Variants in EPS8L1 observed in about 807,000 individuals in gnomAD.
The protein encoded by EPS8L1 is EPS8 signaling adaptor L1, also known as epidermal growth factor receptor kinase substrate 8-like protein 1.
A neutral mutation model predicts 91.7 loss-of-function variants in EPS8L1; 101 were observed. The observed-to-expected ratio is 1.10, with a 90% CI of 0.94 to 1.30. EPS8L1 has a LOEUF of 1.30. Among genes scored for constraint, EPS8L1 ranks in the 50% most tolerant of loss-of-function variants. The pLI, the probability that EPS8L1 is intolerant of heterozygous loss-of-function variation, is 0.00. For missense variants in EPS8L1, 1,114 were observed against 1,017.0 expected, an observed-to-expected ratio of 1.10 and a Z score of -1.30; for synonymous variants, 506 against 445.3, an observed-to-expected ratio of 1.14 and a Z score of -1.72.
At chr19:55,079,329 G>C (rs1210479847) in intron 4 of EPS8L1, among the ~76,000 whole-genome samples, 1 of 152,306 alleles carries the variant, frequency 6.6e-6, no homozygotes, top group East Asian at 1.9e-4. Flanking sequence ...CCCTGCATGA[G>C]GAAGGGGTAG....
chr19:55,087,194 G>A (rs1309111741), intron 18 of EPS8L1, 109 bp from the exon 19 acceptor site: 1 of 1,450,082 alleles, frequency 6.9e-7, no homozygotes, highest in Non-Finnish European at 9.1e-7. Flanking sequence ...GCCCCCGCTA[G>A]AGCTAGAATG....
rs2076116514 is a variant in EPS8L1 at position 55,076,034 on chromosome 19, A to AGGGAGGAGGGGCTGAGGGCCTGG, written c.-38+115_-38+116insGGGAGGAGGGGCTGAGGGCCTGG. The AGGGAGGAGGGGCTGAGGGCCTGG allele has an allele frequency of 6.5e-5, 7 of 107,226 alleles. No individual in the cohort carries two copies. In the South Asian group the frequency reaches 1.5e-3, roughly 23 times the overall value. 6.6% of individuals were successfully genotyped at this position (107,226 alleles called of 1,614,324 possible). On this transcript the variant is annotated intron_variant, in intron 1 of 19. Coordinates refer to ENST00000201647, the MANE Select transcript of EPS8L1 (RefSeq NM_133180.3). ...TCAGGGAGGACGGGCTGGGGGTCTGAACTCCCGGGTCTGAGGGAGGAGGGC... is the reference window on the plus strand; with the variant it reads ...TCAGGGAGGACGGGCTGGGGGTCTGAGGGAGGAGGGGCTGAGGGCCTGGACTCCCGGGTCTGAGGGAGGAGGGC...
chr19:55,080,155 C>T lies in EPS8L1; in HGVS notation c.306C>T (p.Gly102=). The T allele has an allele frequency of 1.3e-6, 2 of 1,517,592 alleles. No homozygotes were observed. Among genetic ancestry groups the T allele is most frequent in the Admixed American group, 2.1e-5 (1 of 47,808 alleles). The allele number at this position is 1,517,592 out of a possible 1,614,324, so 94.0% of individuals were successfully genotyped here. A position where few individuals can be genotyped will look rare whatever the true frequency, so the allele number is the denominator to read the frequency against. ...AGGAGCTGGAGTCGTACCCACTGGG[C>T]GCCATCGTGCGCTGTGACGCGGTGA... ...SKEELESYPL[G]AIVRCDAVMP... The change falls in exon 6 of 20, where the codon GGC becomes GGT. Residue 102 remains glycine, a synonymous_variant. Coordinates refer to ENST00000201647, the MANE Select transcript of EPS8L1 (RefSeq NM_133180.3).
rs751024049 is a variant in EPS8L1, at chr19:55,086,820, G to A, written c.1884G>A (p.Pro628=). 1.3e-6 allele frequency: 2 copies of A among 1,575,816 alleles called. No individual in the cohort carries two copies. The highest frequency in any genetic ancestry group is 1.1e-5 in the South Asian group (1 of 87,496). ...RAVPGPRAPE[P]QLSPGSDASE... is the part of the protein sequence containing the mutation. ...TCCCAGGGCCCCGCGCCCCGGAACCGCAGCTCAGCCCGGGCTCGGACGCCT... is the reference window on the plus strand; with the variant it reads ...TCCCAGGGCCCCGCGCCCCGGAACCACAGCTCAGCCCGGGCTCGGACGCCT... Residue 628 remains proline, a synonymous_variant, in exon 18 of 20, where the codon CCG becomes CCA. Transcript: ENST00000201647.
intron 2 of EPS8L1, among the ~76,000 whole-genome samples, chr19:55,077,158 A>C (rs976874452): frequency 1.3e-5 from 2 of 152,186 alleles, no homozygotes; most frequent in African/African-American, 4.8e-5. Context: ...TAGGAAAGGT[A>C]ATCTTAGGAA....
intron 18 of EPS8L1, 48 bp from the exon 19 acceptor site, chr19:55,087,254 TG>T: frequency 6.5e-7 from 1 of 1,550,260 alleles, no homozygotes. Context: ...TTGTCCGGGC[TG>T]GGGCATCCGC....
Position 55,080,141 on chromosome 19 carries a change from T to G in EPS8L1, c.292T>G (p.Ser98Ala). The G allele has an allele frequency of 6.6e-7, 1 of 1,504,084 alleles. No homozygotes were observed. The highest frequency in any genetic ancestry group is 8.9e-7 in the Non-Finnish European group (1 of 1,119,800). 93.2% of individuals were successfully genotyped at this position (1,504,084 alleles called of 1,614,324 possible). Residue 98 changes from serine to alanine, a missense_variant, in exon 6 of 20, where the codon TCG becomes GCG. Coordinates refer to ENST00000201647, the MANE Select transcript of EPS8L1 (RefSeq NM_133180.3). ...TCCCACCCGGCAGGAGGAGCTGGAGTCGTACCCACTGGGCGCCATCGTGCG... is the reference window on the plus strand; with the variant it reads ...TCCCACCCGGCAGGAGGAGCTGGAGGCGTACCCACTGGGCGCCATCGTGCG... ...LDPASKEELESYPLGAIVRCD... is the reference protein window; with the variant it reads ...LDPASKEELEAYPLGAIVRCD...
chr19:55,080,006 G>A (rs1304651648), intron 5 of EPS8L1, 123 bp from the exon 6 acceptor site: 14 of 1,436,324 alleles, frequency 9.7e-6, no homozygotes, highest in East Asian at 2.5e-5. Context: ...TATTAAACAG[G>A]GCTGTTATCC....
intron 17 of EPS8L1, 72 bp from the exon 18 acceptor site, chr19:55,086,642 C>CCCCCCCCCCCCCTT: frequency 1.4e-6 from 2 of 1,410,052 alleles, no homozygotes. Flanking sequence ...AGCGCCCCCC[C>CCCCCCCCCCCCCTT]GCCCCGCCCT....
In EPS8L1 at chr19:55,083,389, C is replaced by T. The variant is rs1422538027; in HGVS notation, c.1226C>T (p.Ser409Phe). 6.2e-7 allele frequency: 1 copy of T among 1,612,948 alleles called. No homozygotes were observed. Among genetic ancestry groups the T allele is most frequent in the Non-Finnish European group, 8.5e-7 (1 of 1,179,908 alleles). ...DSWTRPGLEL[S>F]PEEGPPYRPE... ...GTCCCTGGCCGCAGGCTGGAGCTGT[C>T]CCCGGAGGAGGGACCCCCATACAGA... Residue 409 changes from serine to phenylalanine, a missense_variant, in exon 13 of 20, where the codon TCC (serine) becomes TTC (phenylalanine). Transcript: ENST00000201647. This position sits in a 1 kb window ranked among gnomAD's most constrained non-coding sequence, Gnocchi z 4.7.
chr19:55,086,001 G>C (rs2290476), intron 15 of EPS8L1, 28 bp downstream of exon 15: 670,980 of 1,604,394 alleles, frequency 0.42, 141,482 homozygotes, highest in East Asian at 0.52. Context: ...CTGAGGGGCA[G>C]GAATTAGCCA....
Position 55,080,496 on chromosome 19 carries a change from G to C in EPS8L1, c.429+218G>C, listed in dbSNP as rs1568782154. On this transcript the variant is annotated intron_variant, in intron 6 of 19. Coordinates refer to ENST00000201647, the MANE Select transcript of EPS8L1 (RefSeq NM_133180.3). ...GAACATGAAGGTGGGATGAGGACAT[G>C]AACAGAACATGGCCAAGAAGGATCT... The C allele has an allele frequency of 2.5e-6, 4 of 1,613,782 alleles. No homozygotes were observed. In the South Asian group the frequency reaches 3.3e-5, roughly 13 times the overall value.
intron 7 of EPS8L1, 22 bp downstream of exon 7, chr19:55,080,876 G>A (rs1452546248): frequency 1.9e-6 from 3 of 1,586,124 alleles, no homozygotes; most frequent in East Asian, 2.3e-5. Context: ...GAAGTTGGCA[G>A]GGTCTCTGGG....
At position 55,081,012 on chromosome 19, in the gene EPS8L1, C is replaced by T; in HGVS notation, c.512+158C>T. Reference sequence around the variant, plus strand: ...TACCTCCCAGACGAGCTGACCCCTTCTCCAGAACTCTGCTTCTTTTCTCTG... The same window carrying T: ...TACCTCCCAGACGAGCTGACCCCTTTTCCAGAACTCTGCTTCTTTTCTCTG... On this transcript the variant is annotated intron_variant, in intron 7 of 19. Coordinates refer to ENST00000201647, the MANE Select transcript of EPS8L1 (RefSeq NM_133180.3). This position sits in a 1 kb window ranked among gnomAD's most constrained non-coding sequence, Gnocchi z 4.9. The T allele has an allele frequency of 1.1e-6, 1 of 897,010 alleles. No individual in the cohort carries two copies. The highest frequency in any genetic ancestry group is 1.7e-6 in the Non-Finnish European group (1 of 605,240). The allele number at this position is 897,010 out of a possible 1,614,324, so 55.6% of individuals were successfully genotyped here.
Position 55,085,990 on chromosome 19 carries a change from G to T in EPS8L1, c.1518+17G>T. On this transcript the variant is annotated intron_variant, in intron 15 of 19. Coordinates refer to ENST00000201647, the MANE Select transcript of EPS8L1 (RefSeq NM_133180.3). ...GTACTGGAGGTTAGAGGAGCGGGAG[G>T]CTGAGGGGCAGGAATTAGCCAGCCC... 2 of 1,608,718 alleles carry T rather than the reference G, an allele frequency of 1.2e-6. No individual in the cohort carries two copies. Among genetic ancestry groups the T allele is most frequent in the Non-Finnish European group, 1.7e-6 (2 of 1,175,564 alleles).
At position 55,085,846 on chromosome 19, in the gene EPS8L1, G is replaced by A. The variant is rs1422867495; in HGVS notation, c.1391G>A (p.Arg464Gln). ...SAPQVAVNGH[R>Q]DLEPESEPQL... ...ACCCTCCCGCTTCTCCTCAGTCACCGAGACTTGGAGCCAGAATCTGAGCCT... is the reference window on the plus strand; with the variant it reads ...ACCCTCCCGCTTCTCCTCAGTCACCAAGACTTGGAGCCAGAATCTGAGCCT... Residue 464 changes from arginine to glutamine, a missense_variant, in exon 15 of 20, where the codon CGA (arginine) becomes CAA (glutamine). Transcript: ENST00000201647. The A allele has an allele frequency of 2.5e-6, 4 of 1,612,464 alleles. No individual in the cohort carries two copies. Among genetic ancestry groups the A allele is most frequent in the East Asian group, 4.5e-5 (2 of 44,828 alleles).
In EPS8L1 at chr19:55,083,758, T is replaced by G; in HGVS notation, c.1385+114T>G. 1 of 1,386,102 alleles carries G rather than the reference T, an allele frequency of 7.2e-7. No individual in the cohort carries two copies. Among genetic ancestry groups the G allele is most frequent in the South Asian group, 1.2e-5 (1 of 81,314 alleles). 85.9% of individuals were successfully genotyped at this position (1,386,102 alleles called of 1,614,324 possible). ...GTGTTTTTCCTTCTGTCTTCCTGGC[T>G]CTTCTCAGGTGGGTGAGATGGTGAT... On this transcript the variant is annotated intron_variant, in intron 14 of 19. Coordinates refer to ENST00000201647, the MANE Select transcript of EPS8L1 (RefSeq NM_133180.3). This position sits in a 1 kb window ranked among gnomAD's most constrained non-coding sequence, Gnocchi z 4.7.
Position 55,081,363 on chromosome 19 carries a change from G to A in EPS8L1, c.645G>A (p.Lys215=). ...RGAGRGRPQA[K]PIPEAEEAQR... ...CGGGCCGCGGACGACCCCAGGCGAA[G>A]CCCATTCCCGAGGCAGAGGAGGCGC... The change falls in exon 8 of 20, where the codon AAG becomes AAA. Residue 215 remains lysine (K), a synonymous_variant. Transcript: ENST00000201647. This position sits in a 1 kb window ranked among gnomAD's most constrained non-coding sequence, Gnocchi z 4.9. The A allele has an allele frequency of 6.4e-7, 1 of 1,570,366 alleles. No individual in the cohort carries two copies. Among genetic ancestry groups the A allele is most frequent in the Non-Finnish European group, 8.6e-7 (1 of 1,161,536 alleles).
Position 55,087,816 on chromosome 19 carries a change from G to A in EPS8L1, c.*202G>A. 1.6e-6 allele frequency: 1 copy of A among 613,674 alleles called. No individual in the cohort carries two copies. Among genetic ancestry groups the A allele is most frequent in the South Asian group, 1.9e-5 (1 of 52,936 alleles). The allele number at this position is 613,674 out of a possible 1,614,324, so 38.0% of individuals were successfully genotyped here. A position where few individuals can be genotyped will look rare whatever the true frequency, so the allele number is the denominator to read the frequency against. ...TCTGGACTGGCTGGGAGTGGGGAGG[G>A]CGTGGAGACAGTCTACGGAAAGCGC... is the stretch of plus-strand genomic sequence containing the variant. On this transcript the variant is annotated 3_prime_UTR_variant, in exon 20 of 20. Coordinates refer to ENST00000201647, the MANE Select transcript of EPS8L1 (RefSeq NM_133180.3).
Sources: allele counts gnomAD v4.1 joint callset (sites outside exome capture counted in the v4.1 genomes callset), GRCh38; gene constraint gnomAD v4.1.1; non-coding constraint Gnocchi (gnomAD v3.1); transcripts MANE v1.5; gene names NCBI Gene and HGNC (gene_info 2026-07-23, HGNC 2026-07-21).